The following L3MBTL4 variants were observed in gnomAD, a reference collection of about 807,000 sequenced individuals.
L3MBTL4 encodes the protein lethal(3)malignant brain tumor-like protein 4.
Under a neutral mutation model 84.5 loss-of-function variants are expected in L3MBTL4, and 70 were observed. The ratio of observed to expected loss-of-function variants is 0.83; its 90% CI spans 0.68 to 1.01. The LOEUF (loss-of-function observed/expected upper bound fraction) is 1.01, where lower values mean the gene tolerates loss of function less well. Ranked by LOEUF, L3MBTL4 falls within the 50% of genes least tolerant of loss-of-function variation. L3MBTL4 has a pLI of 0.00. For missense variants in L3MBTL4, 715 were observed against 754.8 expected (o/e 0.95, Z 0.62); for synonymous variants, 274 against 259.8 (o/e 1.05, Z -0.52).
At chr18:6,158,718 C>A (rs2043198555) in intron 13 of L3MBTL4, among the ~76,000 whole-genome samples, 1 of 152,314 alleles carries the variant, frequency 6.6e-6, no homozygotes, top group East Asian at 1.9e-4. Context: ...TGGCTACTTA[C>A]ACATGGTAGA....
At position 6,138,341 on chromosome 18, in the gene L3MBTL4, G is replaced by A. The variant is rs377379956; in HGVS notation, c.1097-45C>T. Reference sequence around the variant, plus strand: ...ATGCCTTGAAAACACCCTCATTAAAGAAGACTGCAAATCTGAAATATGTAA... The same window carrying A: ...ATGCCTTGAAAACACCCTCATTAAAAAAGACTGCAAATCTGAAATATGTAA... On this transcript the variant is annotated intron_variant, in intron 13 of 18. Transcript: ENST00000317931. 3.1e-5 allele frequency: 36 copies of A among 1,168,280 alleles called. No individual in the cohort carries two copies. In the African/African-American group the frequency reaches 4.5e-4, roughly 15 times the overall value. The allele number at this position is 1,168,280 out of a possible 1,614,324, so 72.4% of individuals were successfully genotyped here.
intron 1 of L3MBTL4, among the ~76,000 whole-genome samples, chr18:6,359,206 T>C (rs341180): frequency 0.35 from 53,536 of 152,174 alleles, 10,473 homozygotes; most frequent in Middle Eastern, 0.53. Context: ...ATGCCTGTAA[T>C]CTCAGCACTT....
At chr18:6,114,328 C>G (rs2059292176) in intron 14 of L3MBTL4, among the ~76,000 whole-genome samples, 1 of 152,200 alleles carries the variant, frequency 6.6e-6, no homozygotes, top group South Asian at 2.1e-4. Flanking sequence ...ACCATCACTT[C>G]CTCTAGGAAG....
chr18:6,029,458 A>G (rs1439941107), intron 16 of L3MBTL4: 1 of 973,184 alleles, frequency 1.0e-6, no homozygotes, highest in Non-Finnish European at 1.2e-6. Flanking sequence ...ATTAGAAGAG[A>G]TTACAGTGGC....
intron 4 of L3MBTL4, among the ~76,000 whole-genome samples, chr18:6,280,334 T>G (rs1466002875): frequency 6.6e-6 from 1 of 152,206 alleles, no homozygotes; most frequent in African/African-American, 2.4e-5. Context: ...AGGGGCATTT[T>G]CCCCACTGAG....
At chr18:6,074,885 G>A (rs1437575767) in intron 16 of L3MBTL4, among the ~76,000 whole-genome samples, 1 of 151,912 alleles carries the variant, frequency 6.6e-6, no homozygotes, top group East Asian at 1.9e-4. Context: ...CACATTAAAA[G>A]AATAAAGGAG....
chr18:6,401,508 C>T (rs1029792641), intron 1 of L3MBTL4, among the ~76,000 whole-genome samples: 13 of 152,034 alleles, frequency 8.6e-5, no homozygotes, highest in African/African-American at 1.9e-4. Flanking sequence ...AAAAATGCAC[C>T]GGGCAAGAAG....
At chr18:6,057,256 T>C (rs1316652715) in intron 16 of L3MBTL4, among the ~76,000 whole-genome samples, 1 of 152,208 alleles carries the variant, frequency 6.6e-6, no homozygotes, top group Non-Finnish European at 1.5e-5. Context: ...CTCAAACTCC[T>C]GACCTAAGGT....
intron 14 of L3MBTL4, among the ~76,000 whole-genome samples, chr18:6,132,440 A>G: frequency 6.6e-6 from 1 of 152,270 alleles, no homozygotes; most frequent in Admixed American, 6.5e-5. Context: ...ACTGGAGAAG[A>G]GCTGATAGAA....
intron 13 of L3MBTL4, among the ~76,000 whole-genome samples, chr18:6,157,014 C>T (rs1158981738): frequency 2.0e-5 from 3 of 152,186 alleles, no homozygotes; most frequent in Non-Finnish European, 2.9e-5. Flanking sequence ...AGGATAAGCA[C>T]TTCAACAAGG....
chr18:5,976,231 C>T (rs924947052), intron 16 of L3MBTL4, among the ~76,000 whole-genome samples: 22 of 152,328 alleles, frequency 1.4e-4, no homozygotes, highest in African/African-American at 5.3e-4. Context: ...AAAATATCTC[C>T]TTAATAATTT....
intron 4 of L3MBTL4, among the ~76,000 whole-genome samples, chr18:6,276,426 T>C (rs2049080572): frequency 6.6e-6 from 1 of 152,190 alleles, no homozygotes; most frequent in South Asian, 2.1e-4. Flanking sequence ...GGATAAGATA[T>C]GGTTCTTGCC....
intron 13 of L3MBTL4, among the ~76,000 whole-genome samples, chr18:6,146,425 C>T (rs578157774): frequency 7.0e-4 from 107 of 152,156 alleles, no homozygotes; most frequent in African/African-American, 2.5e-3. Flanking sequence ...CGGCTGAGAG[C>T]GAGGAACTCA....
Position 6,263,269 on chromosome 18 carries a change from C to CAA in L3MBTL4, c.219+676_219+677dup, listed in dbSNP as rs750079581. 3.0e-3 allele frequency among the ~76,000 whole-genome samples: 179 copies of CAA among 60,604 alleles called. 5 individuals carry two copies. The East Asian group carries it at 0.061, about 21-fold the overall frequency. 39.8% of individuals were successfully genotyped at this position (60,604 alleles called of 152,430 possible). A position where few individuals can be genotyped will look rare whatever the true frequency, so the allele number is the denominator to read the frequency against. On this transcript the variant is annotated intron_variant, in intron 5 of 18. Coordinates refer to ENST00000317931, the MANE Select transcript of L3MBTL4 (RefSeq NM_001330559.2). ...GGCGATAGAGCCAGACTCCGTCTCA[C>CAA]AAAAAAAAAAAAAAAGAAAAAAAAA... is the stretch of plus-strand genomic sequence containing the variant.
In L3MBTL4 at chr18:6,163,798, G is replaced by C. The variant is rs9955754; in HGVS notation, c.1096+8030C>G. 2.1e-3 allele frequency among the ~76,000 whole-genome samples: 314 copies of C among 152,270 alleles called. 1 individual carries two copies. Among genetic ancestry groups the C allele is most frequent in the African/African-American group, 7.3e-3 (302 of 41,550 alleles). On this transcript the variant is annotated intron_variant, in intron 13 of 18. Coordinates refer to ENST00000317931, the MANE Select transcript of L3MBTL4 (RefSeq NM_001330559.2). ...TTTCTGCATTTCCAACTGAGGTACC[G>C]GGTTCATCACACTGGGGAACGCTGG...
At chr18:6,250,041 A>T (rs1379075168) in intron 5 of L3MBTL4, among the ~76,000 whole-genome samples, 1 of 152,226 alleles carries the variant, frequency 6.6e-6, no homozygotes, top group African/African-American at 2.4e-5. Flanking sequence ...GAGGCCATGG[A>T]AGGCCCCAAG....
chr18:5,987,233 A>T (rs942079171), intron 16 of L3MBTL4, among the ~76,000 whole-genome samples: 1 of 152,236 alleles, frequency 6.6e-6, no homozygotes, highest in Non-Finnish European at 1.5e-5. Flanking sequence ...TAGGGAAGGG[A>T]AAATGTGCTA....
chr18:6,198,869 T>C (rs1308258894), intron 12 of L3MBTL4, among the ~76,000 whole-genome samples: 2 of 152,182 alleles, frequency 1.3e-5, no homozygotes, highest in Non-Finnish European at 2.9e-5. Flanking sequence ...CATCTATTTA[T>C]TATGATGTTC....
intron 14 of L3MBTL4, among the ~76,000 whole-genome samples, chr18:6,116,359 G>GTTTTT (rs147840317): frequency 7.7e-6 from 1 of 129,948 alleles, no homozygotes; most frequent in Admixed American, 7.8e-5. Flanking sequence ...GTTGTTGCTG[G>GTTTTT]TTTTTTTTTT....
Sources: gnomAD v4.1 joint callset for allele counts (sites outside exome capture counted in the v4.1 genomes callset) on GRCh38, gnomAD v4.1.1 for gene constraint, MANE v1.5 for transcripts, NCBI Gene and HGNC (gene_info 2026-07-23, HGNC 2026-07-21) for gene names.